The following GIPC2 variants were observed in gnomAD, a reference collection of about 807,000 sequenced individuals.
GIPC2 encodes the protein GIPC PDZ domain containing family member 2.
GIPC2 carries 30 observed loss-of-function variants against 30.6 expected under a neutral mutation model. The observed-to-expected ratio is 0.98, with a 90% confidence interval of 0.73 to 1.33. The LOEUF (loss-of-function observed/expected upper bound fraction) is 1.33. Among genes scored for constraint, GIPC2 ranks in the 40% most tolerant of loss-of-function variants. GIPC2 has a pLI of 0.00. For missense variants in GIPC2, 414 were observed against 390.3 expected, an observed-to-expected ratio of 1.06 and a Z score of -0.51; for synonymous variants, 167 against 150.0, an observed-to-expected ratio of 1.11 and a Z score of -0.83.
Position 78,137,538 on chromosome 1 carries a change from A to G in GIPC2, c.*1795A>G, listed in dbSNP as rs899841514. 1.3e-5 allele frequency: 2 copies of G among 152,146 alleles called. No individual in the cohort carries two copies. The highest frequency in any genetic ancestry group is 4.8e-5 in the African/African-American group (2 of 41,448). 9.4% of individuals were successfully genotyped at this position (152,146 alleles called of 1,614,324 possible). On this transcript the variant is annotated 3_prime_UTR_variant, in exon 6 of 6. Transcript: ENST00000370759. ...GTGCTGATTCCATGTGATTTATGGA[A>G]TGTCATTTTCACAATGATCTTTCTA... is the stretch of plus-strand genomic sequence containing the variant.
At chr1:78,134,724 T>A (rs1443004632) in intron 5 of GIPC2, among the ~76,000 whole-genome samples, 1 of 152,186 alleles carries the variant, frequency 6.6e-6, no homozygotes, top group Non-Finnish European at 1.5e-5. Flanking sequence ...CAAACTTGGA[T>A]TAGTTCATCC....
chr1:78,068,009 A>C (rs369572317), intron 1 of GIPC2, among the ~76,000 whole-genome samples: 6 of 152,188 alleles, frequency 3.9e-5, no homozygotes, highest in African/African-American at 1.4e-4. Flanking sequence ...AATCAAATTT[A>C]GTATAAACCT....
chr1:78,076,057 A>G (rs1201283693), intron 1 of GIPC2, among the ~76,000 whole-genome samples: 1 of 152,236 alleles, frequency 6.6e-6, no homozygotes, highest in African/African-American at 2.4e-5. Context: ...ACCGTTTGGT[A>G]GCTTCTATGG....
chr1:78,082,437 C>T (rs1309705376), intron 2 of GIPC2, among the ~76,000 whole-genome samples: 3 of 152,080 alleles, frequency 2.0e-5, no homozygotes, highest in Non-Finnish European at 4.4e-5. Context: ...TTTAGCTCTG[C>T]AAAAGATATG....
intron 2 of GIPC2, among the ~76,000 whole-genome samples, chr1:78,088,276 C>T (rs1425907542): frequency 6.6e-6 from 1 of 152,160 alleles, no homozygotes; most frequent in Non-Finnish European, 1.5e-5. Context: ...AGAAAGCATT[C>T]TACCATAAAG....
At position 78,135,654 on chromosome 1, in the gene GIPC2, G is replaced by A; in HGVS notation, c.859G>A (p.Asp287Asn). 6.2e-7 allele frequency: 1 copy of A among 1,611,270 alleles called. No individual in the cohort carries two copies. Among genetic ancestry groups the A allele is most frequent in the Non-Finnish European group, 8.5e-7 (1 of 1,177,964 alleles). ...TCCAGATGAATTTGCTGTGGCACTT[G>A]ACGAAACTCTTGGAGACTTTGCGTT... ...VNPDEFAVAL[D>N]ETLGDFAFPD... Residue 287 changes from aspartate to asparagine, a missense_variant, in exon 6 of 6, where the codon GAC becomes AAC. Coordinates refer to ENST00000370759, the MANE Select transcript of GIPC2 (RefSeq NM_017655.6).
intron 1 of GIPC2, among the ~76,000 whole-genome samples, chr1:78,077,847 A>G (rs1472422780): frequency 3.3e-5 from 5 of 152,130 alleles, no homozygotes; most frequent in African/African-American, 1.2e-4. Context: ...TTAAATGTTC[A>G]TTATCTTTTG....
chr1:78,080,557 A>G, intron 1 of GIPC2, 118 bp from the exon 2 acceptor site: 1 of 604,646 alleles, frequency 1.7e-6, no homozygotes, highest in Non-Finnish European at 2.9e-6. Context: ...ACATTTTATG[A>G]TGTAACTCTT....
intron 5 of GIPC2, among the ~76,000 whole-genome samples, chr1:78,128,391 T>C (rs1662823133): frequency 6.6e-6 from 1 of 152,186 alleles, no homozygotes; most frequent in Admixed American, 6.5e-5. Flanking sequence ...TGCTGTGGTC[T>C]GGAGTGAATC....
chr1:78,071,474 GT>G (rs5775440), intron 1 of GIPC2, among the ~76,000 whole-genome samples: 31,786 of 145,638 alleles, frequency 0.22, 3,501 homozygotes, highest in East Asian at 0.38. Context: ...CTTCTAGAAG[GT>G]TTTTTTTTTT....
chr1:78,111,482 T>C (rs1432752808), intron 3 of GIPC2, among the ~76,000 whole-genome samples: 2 of 152,206 alleles, frequency 1.3e-5, no homozygotes, highest in Non-Finnish European at 2.9e-5. Context: ...AATCATACTG[T>C]TTTAAAGAAG....
chr1:78,072,117 T>C (rs1308514534), intron 1 of GIPC2, among the ~76,000 whole-genome samples: 1 of 151,688 alleles, frequency 6.6e-6, no homozygotes, highest in Non-Finnish European at 1.5e-5. Flanking sequence ...TGTTTTCTAA[T>C]CTATAAAAAA....
intron 4 of GIPC2, among the ~76,000 whole-genome samples, chr1:78,121,563 G>A (rs1026970611): frequency 5.9e-5 from 9 of 152,096 alleles, no homozygotes; most frequent in Admixed American, 2.0e-4. Flanking sequence ...AGGCACCCAC[G>A]GTGTTGTCAG....
intron 3 of GIPC2, among the ~76,000 whole-genome samples, chr1:78,100,955 C>T (rs1023212154): frequency 4.9e-4 from 69 of 140,360 alleles, no homozygotes; most frequent in African/African-American, 1.7e-3. Context: ...CACACACACA[C>T]ACACACACAC....
chr1:78,086,231 G>A (rs2100357572), intron 2 of GIPC2, among the ~76,000 whole-genome samples: 1 of 152,126 alleles, frequency 6.6e-6, no homozygotes, highest in Admixed American at 6.5e-5. Context: ...TAATTGCATG[G>A]GTTTTAGCAA....
At chr1:78,112,532 T>G in intron 3 of GIPC2, 1 of 518,990 alleles carries the variant, frequency 1.9e-6, no homozygotes, top group Non-Finnish European at 3.8e-6. Flanking sequence ...TGCTCCATAC[T>G]CCAGGCCAAC....
chr1:78,111,414 G>C (rs1292077127), intron 3 of GIPC2, among the ~76,000 whole-genome samples: 2 of 152,172 alleles, frequency 1.3e-5, no homozygotes, highest in African/African-American at 4.8e-5. Flanking sequence ...GAGGACCTCA[G>C]ATGGAGCAAT....
chr1:78,106,189 C>T (rs577995882), intron 3 of GIPC2, among the ~76,000 whole-genome samples: 6 of 147,406 alleles, frequency 4.1e-5, no homozygotes, highest in East Asian at 4.0e-4. Context: ...GAGCTGAGAT[C>T]GCGCCACTGC....
At chr1:78,092,998 C>T (rs1662068722) in intron 2 of GIPC2, among the ~76,000 whole-genome samples, 1 of 152,094 alleles carries the variant, frequency 6.6e-6, no homozygotes, top group Non-Finnish European at 1.5e-5. Context: ...AAGTCTTTAA[C>T]TTTTATATAA....
Sources: allele counts gnomAD v4.1 joint callset (sites outside exome capture counted in the v4.1 genomes callset), GRCh38; gene constraint gnomAD v4.1.1; transcripts MANE v1.5; gene names NCBI Gene and HGNC (gene_info 2026-07-23, HGNC 2026-07-21).